CSNK2A1: variants seen among roughly 807,000 people sequenced by gnomAD.
CSNK2A1 encodes the protein casein kinase 2 alpha 1, also known as casein kinase II subunit alpha.
Under a neutral mutation model 62.9 loss-of-function variants are expected in CSNK2A1, and 10 were observed. That is an observed-to-expected ratio of 0.16 (90% confidence interval 0.10 to 0.27). CSNK2A1 has a LOEUF of 0.27. CSNK2A1 is among the 10% of genes least tolerant of loss of function. The pLI, the probability that CSNK2A1 is intolerant of heterozygous loss-of-function variation, is 1.00. For missense variants in CSNK2A1, 160 were observed against 492.0 expected (o/e 0.33, Z 6.38); for synonymous variants, 124 against 167.8 (o/e 0.74, Z 2.02).
At chr20:489,674 A>G (rs1195816313) in intron 10 of CSNK2A1, 106 bp downstream of exon 10, 2 of 822,146 alleles carry the variant, frequency 2.4e-6, no homozygotes, top group Non-Finnish European at 3.6e-6. Context: ...CAATCTAAGG[A>G]TCAATATCGG....
At chr20:486,340 C>A in intron 13 of CSNK2A1, 36 bp downstream of exon 13, 1 of 1,611,594 alleles carries the variant, frequency 6.2e-7, no homozygotes, top group South Asian at 1.1e-5. Context: ...AATTGACTTC[C>A]ACATTTTTTT....
intron 1 of CSNK2A1, among the ~76,000 whole-genome samples, chr20:538,464 G>A (rs1005245712): frequency 2.0e-5 from 3 of 152,094 alleles, no homozygotes; most frequent in African/African-American, 7.2e-5. Flanking sequence ...TTCTATTCAG[G>A]TAATAACTCA....
chr20:497,820 CAGAA>C (rs754140844), intron 6 of CSNK2A1, 40 bp from the exon 7 acceptor site: 2 of 1,578,884 alleles, frequency 1.3e-6, no homozygotes, highest in African/African-American at 2.7e-5. Context: ...ATAATGCTGA[CAGAA>C]AGGCATTTTT....
At chr20:531,743 T>C (rs1314880345) in intron 1 of CSNK2A1, among the ~76,000 whole-genome samples, 2 of 152,238 alleles carry the variant, frequency 1.3e-5, no homozygotes, top group Non-Finnish European at 2.9e-5. Flanking sequence ...CATTCTTTCC[T>C]GAAGGAAGAC....
At chr20:524,532 C>T (rs775384104) in intron 2 of CSNK2A1, among the ~76,000 whole-genome samples, 55 of 150,126 alleles carry the variant, frequency 3.7e-4, no homozygotes, top group Non-Finnish European at 6.6e-4. Flanking sequence ...GCCAACACAG[C>T]GAAACCTCAT....
In CSNK2A1 at chr20:481,047, G is replaced by C. The variant is rs753141660; in HGVS notation, c.*2914C>G. ...GAAACAGAATTCAAAACGTGAAAAC[G>C]GAGCCATCTATCACACACGGTGTCG... On this transcript the variant is annotated 3_prime_UTR_variant, in exon 14 of 14. Transcript: ENST00000217244. The C allele has an allele frequency of 1.3e-5, 2 of 152,094 alleles. No homozygotes were observed. The allele number at this position is 152,094 out of a possible 1,614,324, so 9.4% of individuals were successfully genotyped here.
chr20:518,707 C>T (rs1457742066), intron 2 of CSNK2A1, among the ~76,000 whole-genome samples: 5 of 108,778 alleles, frequency 4.6e-5, no homozygotes, highest in Admixed American at 3.6e-4. Flanking sequence ...CCACCACGCC[C>T]GGCTAATTTT....
rs960192657 is a variant in CSNK2A1 at position 525,397 on chromosome 20, A to G, written c.-110+2536T>C. 2.6e-5 allele frequency among the ~76,000 whole-genome samples: 4 copies of G among 152,254 alleles called. No individual in the cohort carries two copies. The East Asian group carries it at 5.8e-4, about 22-fold the overall frequency. ...GCTGGGCGCAGTGGCTCACGCCTGT[A>G]ATCCCAGCACTGTGGGAGGCTGAGG... is the stretch of plus-strand genomic sequence containing the variant. On this transcript the variant is annotated intron_variant, in intron 2 of 13. Transcript: ENST00000217244.
intron 3 of CSNK2A1, 63 bp downstream of exon 3, chr20:508,388 C>T (rs2018648954): frequency 6.4e-7 from 1 of 1,573,734 alleles, no homozygotes; most frequent in Non-Finnish European, 8.7e-7. Flanking sequence ...ACAAAAACTA[C>T]TCAACAGATC....
At chr20:508,224 T>C (rs2018646319) in intron 3 of CSNK2A1, 1 of 474,326 alleles carries the variant, frequency 2.1e-6, no homozygotes, top group Admixed American at 3.8e-5. Flanking sequence ...GATAAGAAAC[T>C]AAAATGATTT....
chr20:488,882 G>A (rs1402115016), intron 10 of CSNK2A1, 104 bp from the exon 11 acceptor site: 2 of 1,025,952 alleles, frequency 1.9e-6, no homozygotes, highest in Non-Finnish European at 2.9e-6. Flanking sequence ...CATGTCTACA[G>A]GTATGAATGC....
At chr20:527,654 T>C (rs949399587) in intron 2 of CSNK2A1, among the ~76,000 whole-genome samples, 2 of 152,128 alleles carry the variant, frequency 1.3e-5, no homozygotes, top group African/African-American at 4.8e-5. Context: ...ATGTGTTTTG[T>C]TTACATACAC....
At chr20:488,595 A>AT in intron 11 of CSNK2A1, 83 bp downstream of exon 11, 12 of 1,374,682 alleles carry the variant, frequency 8.7e-6, no homozygotes, top group Non-Finnish European at 1.2e-5. Flanking sequence ...CAAAGAAAAC[A>AT]TAACTATTTT....
chr20:525,660 A>G (rs1255252689), intron 2 of CSNK2A1, among the ~76,000 whole-genome samples: 1 of 147,584 alleles, frequency 6.8e-6, no homozygotes, highest in Non-Finnish European at 1.5e-5. Context: ...CAAAAAAAAA[A>G]AAAAAAAGAA....
At chr20:536,861 G>A (rs764204449) in intron 1 of CSNK2A1, among the ~76,000 whole-genome samples, 18 of 152,084 alleles carry the variant, frequency 1.2e-4, no homozygotes, top group Non-Finnish European at 2.2e-4. Context: ...CGTGGCAGGC[G>A]CTCAGGATCT....
chr20:515,373 G>T (rs935486413), intron 2 of CSNK2A1, among the ~76,000 whole-genome samples: 2 of 152,176 alleles, frequency 1.3e-5, no homozygotes, highest in Non-Finnish European at 2.9e-5. Flanking sequence ...TTCAAACGAA[G>T]ATTCTGAATA....
rs2017839424 is a variant in CSNK2A1, at chr20:475,854, T to C, written c.*8107A>G. ...AGTAGCTGCTGCAACTTCTGCCACA[T>C]TGGGCAAACCTGAATCCAATTCACA... On this transcript the variant is annotated 3_prime_UTR_variant, in exon 14 of 14. Coordinates refer to ENST00000217244, the MANE Select transcript of CSNK2A1 (RefSeq NM_177559.3). 1.3e-5 allele frequency: 2 copies of C among 152,236 alleles called. No homozygotes were observed. Among genetic ancestry groups the C allele is most frequent in the South Asian group, 2.1e-4 (1 of 4,832 alleles). The allele number at this position is 152,236 out of a possible 1,614,324, so 9.4% of individuals were successfully genotyped here. A position where few individuals can be genotyped will look rare whatever the true frequency, so the allele number is the denominator to read the frequency against.
At chr20:500,181 T>C in intron 4 of CSNK2A1, 1 of 454,616 alleles carries the variant, frequency 2.2e-6, no homozygotes, top group South Asian at 2.7e-5. Flanking sequence ...TCTGCAGAAT[T>C]AGCATTTCAA....
intron 3 of CSNK2A1, chr20:506,844 C>T (rs919337449): frequency 3.9e-5 from 6 of 152,124 alleles, no homozygotes; most frequent in African/African-American, 1.4e-4. Context: ...AGAACCATGC[C>T]AAAAGCCCAA....
Sources: gnomAD v4.1 joint callset for allele counts (sites outside exome capture counted in the v4.1 genomes callset) on GRCh38, gnomAD v4.1.1 for gene constraint, MANE v1.5 for transcripts, NCBI Gene and HGNC (gene_info 2026-07-23, HGNC 2026-07-21) for gene names.